Variants in MACF1 observed in about 807,000 individuals in gnomAD.
MACF1 encodes the protein microtubule actin crosslinking factor 1, also known as microtubule-actin cross-linking factor 1.
MACF1 carries 193 observed loss-of-function variants against 854.8 expected under a neutral mutation model. The ratio of observed to expected loss-of-function variants is 0.23; its 90% CI spans 0.20 to 0.25. MACF1 has a LOEUF of 0.25. MACF1 is among the 10% of genes least tolerant of loss of function. MACF1 has a pLI of 1.00. For missense variants in MACF1, 7,722 were observed against 8,929.1 expected, an observed-to-expected ratio of 0.86 and a Z score of 5.45; for synonymous variants, 3,185 against 3,226.7, an observed-to-expected ratio of 0.99 and a Z score of 0.44.
chr1:39,221,088 G>T (rs1022559420), intron 1 of MACF1, among the ~76,000 whole-genome samples: 3 of 152,142 alleles, frequency 2.0e-5, no homozygotes, highest in African/African-American at 7.2e-5. Flanking sequence ...AGATGCGAAA[G>T]GTATGTTTGG....
At chr1:39,127,126 G>A (rs2148165754) in intron 2 of MACF1, among the ~76,000 whole-genome samples, 1 of 152,272 alleles carries the variant, frequency 6.6e-6, no homozygotes, top group South Asian at 2.1e-4. Flanking sequence ...GGAGGCTGAG[G>A]CAGGAGAATT....
chr1:39,214,230 T>A (rs1644549561), intron 1 of MACF1, among the ~76,000 whole-genome samples: 1 of 152,180 alleles, frequency 6.6e-6, no homozygotes, highest in South Asian at 2.1e-4. Context: ...GGGGCAGGGC[T>A]GCAGTGTCTG....
At chr1:39,197,019 G>A (rs533714539) in intron 2 of MACF1, among the ~76,000 whole-genome samples, 1 of 152,134 alleles carries the variant, frequency 6.6e-6, no homozygotes, top group Admixed American at 6.5e-5. Flanking sequence ...TATCCTGGGG[G>A]GTGCTAAATG....
At chr1:39,111,369 T>A (rs1422285316) in intron 2 of MACF1, among the ~76,000 whole-genome samples, 8 of 150,766 alleles carry the variant, frequency 5.3e-5, no homozygotes, top group Non-Finnish European at 4.4e-5. Flanking sequence ...CTAATTATTT[T>A]ATTTATTTAT....
chr1:39,128,417 A>G (rs1210739761), intron 2 of MACF1, among the ~76,000 whole-genome samples: 1 of 152,120 alleles, frequency 6.6e-6, no homozygotes, highest in East Asian at 1.9e-4. Context: ...GAGTTCTGCC[A>G]TAGGGCCAGG....
At chr1:39,279,382 G>T (rs566039690) in intron 6 of MACF1, among the ~76,000 whole-genome samples, 1 of 151,554 alleles carries the variant, frequency 6.6e-6, no homozygotes, top group East Asian at 1.9e-4. Flanking sequence ...TAAATATAGT[G>T]TTAAAGTTCC....
At chr1:39,462,226 T>G (rs1157102775) in intron 93 of MACF1, among the ~76,000 whole-genome samples, 189 bp downstream of exon 93, 1 of 152,150 alleles carries the variant, frequency 6.6e-6, no homozygotes, top group Non-Finnish European at 1.5e-5. Context: ...ACATCTGAGC[T>G]CTAGCTCAGG....
At chr1:39,198,050 T>C (rs1194084947) in intron 2 of MACF1, among the ~76,000 whole-genome samples, 1 of 150,390 alleles carries the variant, frequency 6.6e-6, no homozygotes, top group Non-Finnish European at 1.5e-5. Context: ...ACACAAAAAT[T>C]AGCCAGACGT....
intron 1 of MACF1, 27 bp downstream of exon 1, chr1:39,205,158 T>C (rs1281364998): frequency 1.4e-6 from 1 of 702,790 alleles, no homozygotes; most frequent in Non-Finnish European, 2.6e-6. Context: ...CAGTTATTCT[T>C]TAAATCTACT....
At chr1:39,202,027 C>T (rs1329767755), upstream of MACF1, among the ~76,000 whole-genome samples, 5 of 132,466 alleles carry the variant, frequency 3.8e-5, no homozygotes, top group Non-Finnish European at 6.2e-5. Context: ...AGTGCAGTGG[C>T]GCAATCTCGG....
At chr1:39,433,652 T>C (rs74066798) in intron 68 of MACF1, among the ~76,000 whole-genome samples, 10,254 of 152,234 alleles carry the variant, frequency 0.067, 894 homozygotes, top group African/African-American at 0.21. Flanking sequence ...GAGCTACTCA[T>C]CCTAAACATT....
intron 80 of MACF1, 104 bp from the exon 81 acceptor site, chr1:39,447,328 G>A: frequency 1.9e-6 from 2 of 1,065,424 alleles, no homozygotes; most frequent in Non-Finnish European, 2.8e-6. Flanking sequence ...CCTTTTTAGA[G>A]GTCATTTCAT....
At chr1:39,365,605 C>G (rs1648633607) in intron 49 of MACF1, among the ~76,000 whole-genome samples, 1 of 152,092 alleles carries the variant, frequency 6.6e-6, no homozygotes, top group Admixed American at 6.5e-5. Context: ...ATATTTTCCC[C>G]AGATTTAAGA....
At chr1:39,090,223 A>G (rs1046241736) in intron 2 of MACF1, among the ~76,000 whole-genome samples, 4 of 152,186 alleles carry the variant, frequency 2.6e-5, no homozygotes, top group African/African-American at 9.7e-5. Flanking sequence ...CGAGTTTTGT[A>G]TCCAGGAAGG....
At chr1:39,164,091 G>C (rs1309634138) in intron 2 of MACF1, among the ~76,000 whole-genome samples, 1 of 151,922 alleles carries the variant, frequency 6.6e-6, no homozygotes, top group Non-Finnish European at 1.5e-5. Flanking sequence ...ATTTTTTACA[G>C]TTTTATGGAA....
chr1:39,217,673 G>A (rs559769829), intron 1 of MACF1, among the ~76,000 whole-genome samples: 71 of 150,536 alleles, frequency 4.7e-4, no homozygotes, highest in African/African-American at 1.4e-3. Context: ...GAGGTCAAGA[G>A]TTCAAGACCA....
rs1433973628 is a variant in MACF1, at chr1:39,353,211, A to G, written c.11404A>G (p.Lys3802Glu). 1.2e-6 allele frequency: 2 copies of G among 1,605,776 alleles called. No homozygotes were observed. Among genetic ancestry groups the G allele is most frequent in the East Asian group, 4.5e-5 (2 of 44,612 alleles). The stretch of plus-strand genomic sequence containing the variant: ...GAATCAAGCCCCAGAGAAACTGGAC[A>G]AGCAATGTGAGATGATGAAGGTAAG... ...GVNQAPEKLD[K>E]QCEMMKARHQ... Residue 3802 changes from lysine to glutamate, a missense_variant, in exon 44 of 101, where the codon AAG (lysine) becomes GAG (glutamate). This residue lies in a region of MACF1 where 2,807 missense variants were observed against 3,235.8 expected (regional missense o/e 0.87). Transcript: ENST00000564288.
chr1:39,095,730 T>A (rs1403161226), intron 2 of MACF1, among the ~76,000 whole-genome samples: 1 of 137,722 alleles, frequency 7.3e-6, no homozygotes, highest in African/African-American at 2.8e-5. Flanking sequence ...AAAAAAAAAA[T>A]TAGGTGTGGT....
rs536031102 is a variant in MACF1, at chr1:39,219,784, T to C, written c.110-11398T>C. ...GTCTTTTTTTGAGATGGAGTCTCAC[T>C]CTGTCACCCAGGCTGGATTGCAGTG... On this transcript the variant is annotated intron_variant, in intron 1 of 100. Coordinates refer to ENST00000564288, the MANE Select transcript of MACF1 (RefSeq NM_001394062.1). 7.2e-5 allele frequency among the ~76,000 whole-genome samples: 11 copies of C among 152,328 alleles called. No homozygotes were observed. The East Asian group carries it at 1.9e-3, about 27-fold the overall frequency.
Sources: allele counts gnomAD v4.1 joint callset (sites outside exome capture counted in the v4.1 genomes callset), GRCh38; gene constraint gnomAD v4.1.1; regional missense constraint gnomAD v4.1.1; transcripts MANE v1.5; gene names NCBI Gene and HGNC (gene_info 2026-07-23, HGNC 2026-07-21).